Variants in LRRC7 observed in about 807,000 individuals in gnomAD.
LRRC7 encodes leucine rich repeat containing 7.
Under a neutral mutation model 175.7 loss-of-function variants are expected in LRRC7, and 23 were observed. That is an observed-to-expected ratio of 0.13 (90% confidence interval 0.09 to 0.19). The LOEUF is 0.19. Among genes scored for constraint, LRRC7 ranks in the 10% least tolerant of loss-of-function variants. The pLI is 1.00. For synonymous variants in LRRC7, 685 were observed against 680.9 expected (o/e 1.01, Z -0.09); for missense variants, 1,354 against 1,904.7 (o/e 0.71, Z 5.38).
intron 2 of LRRC7, among the ~76,000 whole-genome samples, chr1:69,680,766 T>C (rs1330704205): frequency 6.6e-6 from 1 of 151,856 alleles, no homozygotes; most frequent in Non-Finnish European, 1.5e-5. Context: ...TATTCTCTAA[T>C]TTGACCAGAT....
intron 1 of LRRC7, among the ~76,000 whole-genome samples, chr1:69,577,461 A>G (rs1033392681): frequency 2.6e-5 from 4 of 152,188 alleles, no homozygotes; most frequent in Non-Finnish European, 4.4e-5. Flanking sequence ...GCCCATGCCT[A>G]TGTCCTGAAT....
At chr1:69,917,325 C>T (rs1328346601) in intron 7 of LRRC7, among the ~76,000 whole-genome samples, 59 of 152,114 alleles carry the variant, frequency 3.9e-4, no homozygotes, top group Non-Finnish European at 2.9e-5. Context: ...AGGGAAATCA[C>T]ACCAATGGAC....
chr1:69,772,438 G>C (rs902352634), intron 3 of LRRC7, among the ~76,000 whole-genome samples: 1 of 152,068 alleles, frequency 6.6e-6, no homozygotes, highest in African/African-American at 2.4e-5. Context: ...AGAAAGACTG[G>C]GGCTAAATCA....
chr1:69,919,591 CA>C, intron 7 of LRRC7: 1 of 810,900 alleles, frequency 1.2e-6, no homozygotes. Flanking sequence ...TCACCCGGAC[CA>C]AGGAGGAGGC....
intron 7 of LRRC7, among the ~76,000 whole-genome samples, chr1:69,882,896 G>C (rs1013203609): frequency 5.1e-4 from 77 of 151,594 alleles, no homozygotes; most frequent in African/African-American, 1.8e-3. Flanking sequence ...AGTTTACTGA[G>C]AATGATGATT....
At position 70,093,587 on chromosome 1, in the gene LRRC7, A is replaced by G. The variant is rs181274621; in HGVS notation, c.4545+3768A>G. Among the ~76,000 whole-genome samples, 697 of 152,252 alleles carry G rather than the reference A, an allele frequency of 4.6e-3. 5 individuals are homozygous for G. Among genetic ancestry groups the G allele is most frequent in the Non-Finnish European group, 4.7e-3 (321 of 67,996 alleles). On this transcript the variant is annotated intron_variant, in intron 25 of 26. Transcript: ENST00000651989. ...CCTGTAGAGTTGAGACTAATATGAT[A>G]TTCTAATATTGAGAGTATTACAGAG...
intron 2 of LRRC7, chr1:69,716,091 A>G (rs1294671519): frequency 7.3e-6 from 3 of 410,632 alleles, no homozygotes; most frequent in Non-Finnish European, 1.3e-5. Flanking sequence ...GCATTTGTCA[A>G]TTTATAATTG....
At chr1:70,116,549 A>C (rs978686330) in intron 26 of LRRC7, among the ~76,000 whole-genome samples, 1 of 147,104 alleles carries the variant, frequency 6.8e-6, no homozygotes, top group South Asian at 2.1e-4. Context: ...TCCATGTCAA[A>C]AAAAAAAAAA....
chr1:70,023,067 GA>G, intron 16 of LRRC7, 58 bp from the exon 17 acceptor site: 7 of 1,364,054 alleles, frequency 5.1e-6, no homozygotes, highest in Non-Finnish European at 6.7e-6. Flanking sequence ...ATGATAAAGT[GA>G]AAGTATTGCT....
chr1:69,730,359 C>T (rs914012786), intron 2 of LRRC7, among the ~76,000 whole-genome samples: 1 of 152,100 alleles, frequency 6.6e-6, no homozygotes, highest in African/African-American at 2.4e-5. Context: ...CTTTTATTCC[C>T]TGCTTCCTCT....
chr1:69,809,677 A>G (rs560901059), intron 4 of LRRC7, among the ~76,000 whole-genome samples: 3 of 152,318 alleles, frequency 2.0e-5, no homozygotes, highest in South Asian at 4.1e-4. Flanking sequence ...CAAAAACCAC[A>G]TGATTATCTC....
chr1:69,623,009 G>T (rs992242396), intron 1 of LRRC7, among the ~76,000 whole-genome samples: 2 of 152,126 alleles, frequency 1.3e-5, no homozygotes, highest in African/African-American at 4.8e-5. Flanking sequence ...GTTGTCTACT[G>T]CTGGGGATGT....
chr1:69,579,000 G>C (rs1273245792), intron 1 of LRRC7, among the ~76,000 whole-genome samples: 1 of 151,846 alleles, frequency 6.6e-6, no homozygotes, highest in Non-Finnish European at 1.5e-5. Context: ...TTTTAGTCCT[G>C]GTAATATGGA....
intron 4 of LRRC7, among the ~76,000 whole-genome samples, chr1:69,823,555 G>A (rs753420267): frequency 4.5e-4 from 69 of 152,116 alleles, no homozygotes; most frequent in Non-Finnish European, 7.8e-4. Context: ...AAAAGTGTGT[G>A]TGTGTGCGTA....
intron 1 of LRRC7, among the ~76,000 whole-genome samples, chr1:69,663,388 TATTTTG>T (rs1657765863): frequency 6.6e-6 from 1 of 152,210 alleles, no homozygotes; most frequent in African/African-American, 2.4e-5. Context: ...TTACATGAGA[TATTTTG>T]ATACCGGCAT....
chr1:69,969,694 A>T lies in LRRC7; in HGVS notation c.712-10685A>T, dbSNP rs192580792. ...CACAATAATAGTGGGGGACTTCGAT[A>T]TTCCACTCACAGCAAAAGACAGGTC... On this transcript the variant is annotated intron_variant, in intron 8 of 26. Coordinates refer to ENST00000651989, the MANE Select transcript of LRRC7 (RefSeq NM_001370785.2). Among the ~76,000 whole-genome samples the T allele has an allele frequency of 3.1e-3, 471 of 152,318 alleles. 2 individuals are homozygous for T. Among genetic ancestry groups the T allele is most frequent in the African/African-American group, 0.011 (445 of 41,564 alleles).
intron 8 of LRRC7, among the ~76,000 whole-genome samples, chr1:69,942,077 C>T (rs1399747638): frequency 2.0e-5 from 3 of 152,142 alleles, no homozygotes; most frequent in Non-Finnish European, 2.9e-5. Flanking sequence ...TGTCTCAATA[C>T]ATGCTCTGGC....
intron 7 of LRRC7, among the ~76,000 whole-genome samples, chr1:69,922,638 AAG>A (rs1412860800): frequency 1.3e-5 from 2 of 152,172 alleles, no homozygotes; most frequent in Admixed American, 6.5e-5. Flanking sequence ...GGATAGAAGA[AAG>A]AGCATTGGCA....
chr1:69,604,774 C>T (rs768956731), intron 1 of LRRC7, among the ~76,000 whole-genome samples: 1 of 152,008 alleles, frequency 6.6e-6, no homozygotes, highest in Non-Finnish European at 1.5e-5. Context: ...CTCTAAGGAA[C>T]TTCTTGCCAC....
Sources: gnomAD v4.1 joint callset for allele counts (sites outside exome capture counted in the v4.1 genomes callset) on GRCh38, gnomAD v4.1.1 for gene constraint, MANE v1.5 for transcripts, NCBI Gene and HGNC (gene_info 2026-07-23, HGNC 2026-07-21) for gene names.